RANBP2: variants seen among roughly 807,000 people sequenced by gnomAD.
RANBP2 encodes E3 SUMO-protein ligase RanBP2.
Under a neutral mutation model 303.6 loss-of-function variants are expected in RANBP2, and 57 were observed. The ratio of observed to expected loss-of-function variants is 0.19; its 90% CI spans 0.15 to 0.23. RANBP2 has a LOEUF of 0.23. Among genes scored for constraint, RANBP2 ranks in the 10% least tolerant of loss-of-function variants. RANBP2 has a pLI of 1.00. For missense variants in RANBP2, 3,138 were observed against 3,780.8 expected (o/e 0.83, Z 4.46); for synonymous variants, 1,167 against 1,301.5 (o/e 0.90, Z 2.23).
At chr2:109,055,874 T>C in the RANBP2 span, among the ~76,000 whole-genome samples, 1,800 of 150,880 alleles carry the variant, frequency 0.012, 38 homozygotes, top group African/African-American at 0.041. Context: ...AATTCTCTGC[T>C]TCAGCCTCCC....
chr2:109,112,903 T>A, the RANBP2 span, among the ~76,000 whole-genome samples: 2 of 152,184 alleles, frequency 1.3e-5, no homozygotes, highest in Admixed American at 1.3e-4. Flanking sequence ...CCTTTCCCCA[T>A]TGCTTGTTTT....
the RANBP2 span, among the ~76,000 whole-genome samples, chr2:109,105,246 A>G: frequency 1.3e-5 from 2 of 152,184 alleles, no homozygotes; most frequent in Non-Finnish European, 2.9e-5. Flanking sequence ...GTGGAATTTA[A>G]CCGATATATG....
chr2:108,735,627 G>C lies in RANBP2; in HGVS notation c.501G>C (p.Val167=), dbSNP rs1397416551. The C allele has an allele frequency of 6.3e-7, 1 of 1,597,492 alleles. No homozygotes were observed. Among genetic ancestry groups the C allele is most frequent in the East Asian group, 2.2e-5 (1 of 44,896 alleles). Residue 167 remains valine (V), a synonymous_variant, in exon 5 of 29, where the codon GTG becomes GTC. Coordinates refer to ENST00000283195, the MANE Select transcript of RANBP2 (RefSeq NM_006267.5). ...ATGTAAGACCTGATGACGTCCATGT[G>C]AACATCCGGCTAGTGGAGGTGTATC... ...ELYVRPDDVH[V]NIRLVEVYRS... is the part of the protein sequence containing the mutation.
At chr2:108,796,506 G>T in the RANBP2 span, among the ~76,000 whole-genome samples, 1 of 152,128 alleles carries the variant, frequency 6.6e-6, no homozygotes, top group Non-Finnish European at 1.5e-5. Context: ...AGAAAACGGC[G>T]TATCGAAGAG....
the RANBP2 span, among the ~76,000 whole-genome samples, chr2:109,313,059 G>C: frequency 3.5e-4 from 54 of 152,182 alleles, no homozygotes; most frequent in Non-Finnish European, 5.9e-4. Context: ...AGGAGACAGG[G>C]AACCCATGCA....
the RANBP2 span, among the ~76,000 whole-genome samples, chr2:109,296,750 G>A: frequency 1.5e-4 from 23 of 152,172 alleles, no homozygotes; most frequent in Admixed American, 1.4e-3. Flanking sequence ...GAGGATTCGC[G>A]TGGCCTGGGA....
At chr2:109,041,157 T>A in the RANBP2 span, among the ~76,000 whole-genome samples, 1 of 152,256 alleles carries the variant, frequency 6.6e-6, no homozygotes, top group Non-Finnish European at 1.5e-5. Context: ...TTTAAAATAT[T>A]GACTTCTATA....
At chr2:109,615,142 G>A in the RANBP2 span, 14 of 1,549,668 alleles carry the variant, frequency 9.0e-6, no homozygotes, top group Non-Finnish European at 1.1e-5. Flanking sequence ...CAGCTGAAGA[G>A]GAGCGTGTGT....
At chr2:108,787,172 A>G (rs938151142), downstream of RANBP2, among the ~76,000 whole-genome samples, 1 of 152,156 alleles carries the variant, frequency 6.6e-6, no homozygotes, top group African/African-American at 2.4e-5. Context: ...AGAAAGTGCT[A>G]TTCAGCTTTT....
At chr2:109,246,670 G>A in the RANBP2 span, among the ~76,000 whole-genome samples, 21 of 152,150 alleles carry the variant, frequency 1.4e-4, no homozygotes, top group Non-Finnish European at 2.5e-4. Flanking sequence ...TGGACTTAAC[G>A]TGCCTGGTGG....
At chr2:109,054,241 T>C in the RANBP2 span, among the ~76,000 whole-genome samples, 1 of 152,196 alleles carries the variant, frequency 6.6e-6, no homozygotes, top group African/African-American at 2.4e-5. Flanking sequence ...AGAGACAATC[T>C]GGCATCAGAC....
At chr2:109,661,063 G>A in the RANBP2 span, among the ~76,000 whole-genome samples, 2 of 152,136 alleles carry the variant, frequency 1.3e-5, no homozygotes, top group Admixed American at 6.5e-5. Context: ...GAACACAAAG[G>A]CAATGTATTT....
the RANBP2 span, among the ~76,000 whole-genome samples, chr2:109,506,781 A>G: frequency 6.6e-6 from 1 of 152,184 alleles, no homozygotes; most frequent in Non-Finnish European, 1.5e-5. Context: ...AAATACTAAA[A>G]TGATGGTTCT....
At chr2:109,351,872 C>T in the RANBP2 span, among the ~76,000 whole-genome samples, 1 of 152,234 alleles carries the variant, frequency 6.6e-6, no homozygotes, top group African/African-American at 2.4e-5. Context: ...ATGTGACCTT[C>T]TTATGCTGCT....
the RANBP2 span, among the ~76,000 whole-genome samples, chr2:109,669,329 A>T: frequency 3.3e-5 from 5 of 152,200 alleles, no homozygotes; most frequent in Non-Finnish European, 7.3e-5. Flanking sequence ...AAACAAATGA[A>T]ATTCTGTCAT....
At chr2:108,910,791 T>G in the RANBP2 span, 1 of 1,613,114 alleles carries the variant, frequency 6.2e-7, no homozygotes, top group Non-Finnish European at 8.5e-7. Flanking sequence ...GCCTCTTTCT[T>G]CTCCTCGTCC....
chr2:109,412,725 T>C, the RANBP2 span, among the ~76,000 whole-genome samples: 2 of 152,228 alleles, frequency 1.3e-5, no homozygotes, highest in Non-Finnish European at 2.9e-5. Context: ...GTGGAAATGT[T>C]TCAGGAAACC....
At chr2:109,032,671 C>A in the RANBP2 span, among the ~76,000 whole-genome samples, 1 of 152,158 alleles carries the variant, frequency 6.6e-6, no homozygotes, top group Non-Finnish European at 1.5e-5. Context: ...CACAGTCGGG[C>A]CACCTCTCAC....
the RANBP2 span, among the ~76,000 whole-genome samples, chr2:108,967,177 C>A: frequency 2.6e-5 from 4 of 152,168 alleles, no homozygotes; most frequent in African/African-American, 9.7e-5. Flanking sequence ...TCAACTGATC[C>A]ACCTGCCTTG....
Sources: allele counts gnomAD v4.1 joint callset (sites outside exome capture counted in the v4.1 genomes callset), GRCh38; gene constraint gnomAD v4.1.1; transcripts MANE v1.5; gene names NCBI Gene and HGNC (gene_info 2026-07-23, HGNC 2026-07-21).